The following TBL1Y variants were observed in gnomAD, a reference collection of about 807,000 sequenced individuals.
TBL1Y encodes the protein transducin beta like 1 Y-linked, also known as F-box-like/WD repeat-containing protein TBL1Y.
TBL1Y carries 15 observed loss-of-function variants against 12.0 expected under a neutral mutation model. The ratio of observed to expected loss-of-function variants is 1.25; its 90% CI spans 0.83 to 1.92. The LOEUF (loss-of-function observed/expected upper bound fraction) is 1.92, where lower values mean the gene tolerates loss of function less well. Ranked by LOEUF, TBL1Y falls within the 40% of genes most tolerant of loss-of-function variation. The probability of loss-of-function intolerance (pLI) is 0.00; values close to 1 mark genes in which losing one functional copy is unlikely to be tolerated. For missense variants in TBL1Y, 148 were observed against 116.7 expected (o/e 1.27, Z -1.24); for synonymous variants, 53 against 42.6 (o/e 1.24, Z -0.95).
chrY:7,015,441 C>G, intron 4 of TBL1Y, among the ~76,000 whole-genome samples: 1 of 33,664 alleles, frequency 3.0e-5, no homozygotes, highest in Non-Finnish European at 7.3e-5. Flanking sequence ...CACATGTGCA[C>G]ATGTTGGTTG....
intron 6 of TBL1Y, among the ~76,000 whole-genome samples, chrY:7,025,430 C>A (rs2012619283): frequency 3.0e-5 from 1 of 33,568 alleles, no homozygotes; most frequent in Non-Finnish European, 7.4e-5. Context: ...TGCAATACTG[C>A]AAACTGGGAT....
intron 14 of TBL1Y, among the ~76,000 whole-genome samples, chrY:7,083,974 GGGCCACCCA>G (rs2013114598): frequency 3.8e-4 from 12 of 31,835 alleles, no homozygotes; most frequent in Admixed American, 2.0e-3. Context: ...TCCATTTCCT[GGGCCACCCA>G]TACCACATAG....
intron 2 of TBL1Y, among the ~76,000 whole-genome samples, chrY:6,935,380 G>T (rs2011897808): frequency 7.3e-5 from 2 of 27,504 alleles, no homozygotes; most frequent in Non-Finnish European, 1.5e-4. Context: ...ATTTTGCCTG[G>T]CATCTTTCCC....
intron 13 of TBL1Y, among the ~76,000 whole-genome samples, chrY:7,079,209 T>C (rs746877186): frequency 2.3e-4 from 8 of 34,120 alleles, no homozygotes; most frequent in African/African-American, 4.6e-4. Flanking sequence ...ATCTTGCTCA[T>C]TTCCCCCCTT....
intron 14 of TBL1Y, among the ~76,000 whole-genome samples, chrY:7,085,374 C>T: frequency 3.2e-5 from 1 of 30,872 alleles, no homozygotes; most frequent in Non-Finnish European, 7.7e-5. Context: ...TGTGGTAGGG[C>T]CTGTCTTTAG....
At chrY:6,955,091 G>GA (rs2012062111) in intron 2 of TBL1Y, among the ~76,000 whole-genome samples, 1 of 33,475 alleles carries the variant, frequency 3.0e-5, no homozygotes, top group Non-Finnish European at 7.4e-5. Context: ...CATTAAAATG[G>GA]AAAAAAATGT....
At chrY:6,933,062 G>A in intron 2 of TBL1Y, among the ~76,000 whole-genome samples, 1 of 33,224 alleles carries the variant, frequency 3.0e-5, no homozygotes, top group South Asian at 6.9e-4. Flanking sequence ...CATTATGCCC[G>A]GCTAATTCTG....
At chrY:6,938,568 T>G in intron 2 of TBL1Y, among the ~76,000 whole-genome samples, 1 of 33,885 alleles carries the variant, frequency 3.0e-5, no homozygotes, top group South Asian at 6.7e-4. Flanking sequence ...TCACTCAGAC[T>G]GTAGCTGAGA....
At chrY:6,941,921 T>C (rs2011954505) in intron 2 of TBL1Y, among the ~76,000 whole-genome samples, 1 of 33,443 alleles carries the variant, frequency 3.0e-5, no homozygotes, top group South Asian at 6.8e-4. Context: ...TTTGGGAGGC[T>C]GAGGCTGGTG....
intron 3 of TBL1Y, among the ~76,000 whole-genome samples, chrY:6,980,458 T>C (rs772944239): frequency 3.0e-5 from 1 of 33,517 alleles, no homozygotes; most frequent in African/African-American, 1.2e-4. Flanking sequence ...TACAAGGAAG[T>C]TGCTGTCAGG....
At position 7,046,736 on chromosome Y, in the gene TBL1Y, T is replaced by C. The variant is rs775962562; in HGVS notation, c.204+3611T>C. ...TTTTGACTGATTACAAGGCAAAGTA[T>C]GTACCATTAAAGTTTCTTACCTGCA... On this transcript the variant is annotated intron_variant, in intron 7 of 18. Transcript: ENST00000383032. Among the ~76,000 whole-genome samples, 21 of 33,942 alleles carry C rather than the reference T, an allele frequency of 6.2e-4. No individual in the cohort carries two copies. The East Asian group carries it at 0.016, about 26-fold the overall frequency. The allele number at this position is 33,942 out of a possible 37,273, so 91.1% of individuals were successfully genotyped here.
chrY:7,018,685 A>AC (rs2012566558), intron 4 of TBL1Y, among the ~76,000 whole-genome samples: 1 of 32,201 alleles, frequency 3.1e-5, no homozygotes, highest in African/African-American at 1.2e-4. Flanking sequence ...CTCTCAAGCA[A>AC]CCCCCATGAG....
chrY:7,041,393 G>C, intron 6 of TBL1Y, among the ~76,000 whole-genome samples: 1 of 33,511 alleles, frequency 3.0e-5, no homozygotes, highest in Non-Finnish European at 7.4e-5. Flanking sequence ...AGAATGCAGT[G>C]AGGTCCTGCT....
intron 2 of TBL1Y, among the ~76,000 whole-genome samples, chrY:6,960,214 G>A (rs2012113494): frequency 3.0e-5 from 1 of 33,706 alleles, no homozygotes; most frequent in Admixed American, 2.7e-4. Context: ...GCTGCCAGTC[G>A]AAAGTTGAAT....
At chrY:7,072,403 G>C in intron 12 of TBL1Y, among the ~76,000 whole-genome samples, 1 of 33,617 alleles carries the variant, frequency 3.0e-5, no homozygotes, top group Non-Finnish European at 7.3e-5. Flanking sequence ...TGAGCTACAT[G>C]GTTCAGTGAT....
chrY:6,958,979 T>C (rs1372260662), intron 2 of TBL1Y, among the ~76,000 whole-genome samples: 13 of 33,687 alleles, frequency 3.9e-4, no homozygotes, highest in East Asian at 8.0e-4. Context: ...AGACCCTTTA[T>C]GGGTGTTGGG....
chrY:7,042,960 G>A lies in TBL1Y; in HGVS notation c.59-20G>A. The A allele has an allele frequency of 2.5e-6, 1 of 396,151 alleles. No homozygotes were observed. The highest frequency in any genetic ancestry group is 6.4e-5 in the African/African-American group (1 of 15,566). On this transcript the variant is annotated intron_variant, in intron 6 of 18. Transcript: ENST00000383032. The stretch of plus-strand genomic sequence containing the variant: ...TCAATTTGGGTCTCACTCAACGTCA[G>A]CTTTCCTCTCTTGCCGCAGGTTTTT...
intron 4 of TBL1Y, among the ~76,000 whole-genome samples, chrY:6,999,647 T>G (rs2012434403): frequency 1.0e-4 from 3 of 29,730 alleles, no homozygotes; most frequent in African/African-American, 3.9e-4. Context: ...TTGTTTTTTT[T>G]TTTTTTTTTT....
intron 1 of TBL1Y, among the ~76,000 whole-genome samples, chrY:6,911,192 T>G: frequency 5.8e-5 from 2 of 34,385 alleles, no homozygotes; most frequent in Non-Finnish European, 1.5e-4. Context: ...AGGTTTCCGC[T>G]CCCCCAAAGT....
Sources: allele counts gnomAD v4.1 joint callset (sites outside exome capture counted in the v4.1 genomes callset), GRCh38; gene constraint gnomAD v4.1.1; transcripts MANE v1.5; gene names NCBI Gene and HGNC (gene_info 2026-07-23, HGNC 2026-07-21).